HERC3: variants seen among roughly 807,000 people sequenced by gnomAD.
The protein encoded by HERC3 is HECT and RLD domain containing E3 ubiquitin protein ligase 3, also known as probable E3 ubiquitin-protein ligase HERC3.
HERC3 carries 58 observed loss-of-function variants against 129.9 expected under a neutral mutation model. The ratio of observed to expected loss-of-function variants is 0.45; its 90% confidence interval spans 0.36 to 0.56. The LOEUF (loss-of-function observed/expected upper bound fraction) is 0.56, where lower values mean the gene tolerates loss of function less well. HERC3 is among the 20% of genes least tolerant of loss of function. HERC3 has a pLI of 0.00. For missense variants in HERC3, 835 were observed against 1,244.2 expected (o/e 0.67, Z 4.95); for synonymous variants, 430 against 451.0 (o/e 0.95, Z 0.59).
At chr4:88,539,260 G>A in the HERC3 span, among the ~76,000 whole-genome samples, 1 of 152,178 alleles carries the variant, frequency 6.6e-6, no homozygotes, top group Non-Finnish European at 1.5e-5. Context: ...GGCAGACCAG[G>A]AGATTCCCTC....
the HERC3 span, among the ~76,000 whole-genome samples, chr4:88,562,743 A>G: frequency 6.6e-6 from 1 of 152,172 alleles, no homozygotes; most frequent in African/African-American, 2.4e-5. Flanking sequence ...TCTCAGCACC[A>G]TTTATGAAGG....
chr4:88,585,114 G>A, the HERC3 span, among the ~76,000 whole-genome samples: 1 of 152,220 alleles, frequency 6.6e-6, no homozygotes, highest in East Asian at 1.9e-4. Context: ...TCCTCACATG[G>A]TGGAAGGGGC....
At chr4:88,577,605 G>GTATATATATATATACATATATATGTA in the HERC3 span, among the ~76,000 whole-genome samples, 2 of 131,864 alleles carry the variant, frequency 1.5e-5, no homozygotes, top group African/African-American at 8.2e-5. Flanking sequence ...GTATGTGTGT[G>GTATATATATATATACATATATATGTA]TATATATATA....
At chr4:88,679,043 A>G (rs1732469907) in intron 19 of HERC3, among the ~76,000 whole-genome samples, 1 of 152,158 alleles carries the variant, frequency 6.6e-6, no homozygotes, top group Non-Finnish European at 1.5e-5. Flanking sequence ...GCTCTAGGCA[A>G]TCTTGAAGAC....
At chr4:88,545,184 G>A in the HERC3 span, among the ~76,000 whole-genome samples, 28,857 of 151,862 alleles carry the variant, frequency 0.19, 3,158 homozygotes, top group East Asian at 0.49. Context: ...GGTATAAAAC[G>A]TTTCTCTTTC....
chr4:88,563,812 C>T, the HERC3 span, among the ~76,000 whole-genome samples: 2 of 152,024 alleles, frequency 1.3e-5, no homozygotes, highest in African/African-American at 2.4e-5. Context: ...GCATGCACCA[C>T]CACGCCCGGC....
chr4:88,628,198 A>G (rs1726340955), intron 3 of HERC3, among the ~76,000 whole-genome samples: 1 of 152,096 alleles, frequency 6.6e-6, no homozygotes, highest in African/African-American at 2.4e-5. Context: ...TGGCTCTATA[A>G]GTTTTTGCTA....
chr4:88,524,764 G>A, the HERC3 span: 2 of 152,068 alleles, frequency 1.3e-5, no homozygotes, highest in African/African-American at 4.8e-5. Context: ...AGTTCATCTA[G>A]TTTTTCCATG....
the HERC3 span, among the ~76,000 whole-genome samples, chr4:88,573,275 T>G: frequency 4.0e-4 from 61 of 152,292 alleles, no homozygotes; most frequent in East Asian, 0.012. Context: ...TAAAAAACAT[T>G]CTTTGGGTGC....
In HERC3 at chr4:88,649,916, C is replaced by T; in HGVS notation, c.303C>T (p.Asp101=). 6.2e-7 allele frequency: 1 copy of T among 1,614,034 alleles called. No homozygotes were observed. The highest frequency in any genetic ancestry group is 8.5e-7 in the Non-Finnish European group (1 of 1,179,966). Residue 101 remains aspartate, a synonymous_variant, in exon 4 of 26, where the codon GAC becomes GAT. Coordinates refer to ENST00000402738, the MANE Select transcript of HERC3 (RefSeq NM_014606.3). ...CGESHSLALS[D]RGQLFSWGAG... is the part of the protein sequence containing the mutation. ...AGTCCCACAGTCTGGCCCTCAGTGA[C>T]CGAGGCCAGCTGTTTTCTTGGGGTG...
At chr4:88,641,010 T>C (rs1728034548) in intron 3 of HERC3, among the ~76,000 whole-genome samples, 1 of 152,186 alleles carries the variant, frequency 6.6e-6, no homozygotes, top group Non-Finnish European at 1.5e-5. Context: ...TACACTTTTT[T>C]CAACTGCCTA....
the HERC3 span, chr4:88,583,947 T>G: frequency 6.6e-6 from 1 of 152,232 alleles, no homozygotes; most frequent in African/African-American, 2.4e-5. Flanking sequence ...TGGTGACAGA[T>G]GCCATAGCTA....
intron 3 of HERC3, among the ~76,000 whole-genome samples, chr4:88,648,097 A>G (rs1388259251): frequency 1.3e-5 from 2 of 152,164 alleles, no homozygotes. Flanking sequence ...CTCATAAATC[A>G]TTTAGTTTTT....
chr4:88,676,272 AT>A, intron 17 of HERC3, 31 bp downstream of exon 17: 1 of 1,575,648 alleles, frequency 6.3e-7, no homozygotes, highest in African/African-American at 1.3e-5. Context: ...TTGCTTTTAT[AT>A]TTTTCCAGCT....
At chr4:88,699,309 ACCCTCTTCCTCCCCACCCACCCACGCAGC>A (rs1578349673) in intron 23 of HERC3, among the ~76,000 whole-genome samples, 2 of 32,756 alleles carry the variant, frequency 6.1e-5, no homozygotes, top group Non-Finnish European at 1.0e-4. Flanking sequence ...ACCCAGCCCC[ACCCTCTTCCTCCCCACCCACCCACGCAGC>A]CCCACCCTCT....
intron 25 of HERC3, 120 bp from the exon 26 acceptor site, chr4:88,706,632 G>C: frequency 1.4e-6 from 1 of 720,490 alleles, no homozygotes; most frequent in Non-Finnish European, 2.4e-6. Context: ...GCACATAAAT[G>C]TAATTGTACT....
At position 88,696,107 on chromosome 4, in the gene HERC3, C is replaced by G. The variant is rs1371129315; in HGVS notation, c.2658-7991C>G. On this transcript the variant is annotated intron_variant, in intron 23 of 25. Coordinates refer to ENST00000402738, the MANE Select transcript of HERC3 (RefSeq NM_014606.3). Reference sequence around the variant, plus strand: ...CAAGCAGTAAAATTTGATTATGCACCATTTTATAATTAATATGTCACATTT... The same window carrying G: ...CAAGCAGTAAAATTTGATTATGCACGATTTTATAATTAATATGTCACATTT... 4 of 152,506 alleles carry G rather than the reference C, an allele frequency of 2.6e-5. 1 individual carries two copies. The highest frequency in any genetic ancestry group is 9.7e-5 in the African/African-American group (4 of 41,400). The allele number at this position is 152,506 out of a possible 1,614,324, so 9.4% of individuals were successfully genotyped here. A position where few individuals can be genotyped will look rare whatever the true frequency, so the allele number is the denominator to read the frequency against.
At chr4:88,548,505 A>G in the HERC3 span, among the ~76,000 whole-genome samples, 1 of 151,964 alleles carries the variant, frequency 6.6e-6, no homozygotes, top group Non-Finnish European at 1.5e-5. Flanking sequence ...TCCTCTTTGG[A>G]GAAATGTATG....
the HERC3 span, among the ~76,000 whole-genome samples, chr4:88,578,123 A>G: frequency 6.6e-6 from 1 of 152,256 alleles, no homozygotes; most frequent in Non-Finnish European, 1.5e-5. Flanking sequence ...GAAGGAATTC[A>G]CATATATAAC....
Sources: allele counts gnomAD v4.1 joint callset (sites outside exome capture counted in the v4.1 genomes callset), GRCh38; gene constraint gnomAD v4.1.1; transcripts MANE v1.5; gene names NCBI Gene and HGNC (gene_info 2026-07-23, HGNC 2026-07-21).